Variants in ADAT1 observed in about 807,000 individuals in gnomAD.
ADAT1 encodes adenosine deaminase tRNA specific 1.
A neutral mutation model predicts 58.6 loss-of-function variants in ADAT1; 58 were observed. That is an observed-to-expected ratio of 0.99 (90% CI 0.80 to 1.23). ADAT1 has a LOEUF of 1.23. Among genes scored for constraint, ADAT1 ranks in the 50% most tolerant of loss-of-function variants. The pLI, the probability that ADAT1 is intolerant of heterozygous loss-of-function variation, is 0.00. For synonymous variants in ADAT1, 254 were observed against 220.8 expected, an observed-to-expected ratio of 1.15 and a Z score of -1.33; for missense variants, 741 against 608.6, an observed-to-expected ratio of 1.22 and a Z score of -2.29.
chr16:75,597,794 T>C lies in ADAT1; in HGVS notation c.*2422A>G, dbSNP rs1026712971. 1.3e-5 allele frequency among the ~76,000 whole-genome samples: 2 copies of C among 152,112 alleles called. No homozygotes were observed. Among genetic ancestry groups the C allele is most frequent in the African/African-American group, 4.8e-5 (2 of 41,408 alleles). ...CTTGCATGCACAGTTCACAATAGGA[T>C]TCACGCTCCTATGAGAATCTAATGC... On this transcript the variant is annotated 3_prime_UTR_variant, in exon 10 of 10. Transcript: ENST00000564657.
intron 1 of ADAT1, among the ~76,000 whole-genome samples, chr16:75,621,782 TCA>T (rs1251534979): frequency 1.3e-5 from 2 of 152,326 alleles, no homozygotes; most frequent in African/African-American, 4.8e-5. Flanking sequence ...GGGAAATCTC[TCA>T]CTCTTGGCCC....
At chr16:75,618,736 A>AGCTACATGACCATCC in intron 3 of ADAT1, 96 bp from the exon 4 acceptor site, 2 of 1,423,828 alleles carry the variant, frequency 1.4e-6, no homozygotes, top group Non-Finnish European at 9.6e-7. Flanking sequence ...AGCACCCAGG[A>AGCTACATGACCATCC]TGGTCATGTA....
chr16:75,600,283 C>T lies in ADAT1; in HGVS notation c.1442G>A (p.Ser481Asn), dbSNP rs1567459327. 1 of 1,614,156 alleles carries T rather than the reference C, an allele frequency of 6.2e-7. No homozygotes were observed. Among genetic ancestry groups the T allele is most frequent in the Admixed American group, 1.7e-5 (1 of 60,012 alleles). The change falls in exon 10 of 10, where the codon AGC becomes AAC. Residue 481 changes from serine to asparagine, a missense_variant. By Grantham distance (46) the Ser-to-Asn change is conservative. Coordinates refer to ENST00000564657, the MANE Select transcript of ADAT1 (RefSeq NM_001324445.2). ...TCCAAACACCTGCTTCCGGAGTGTG[C>T]TCCAGGCTTCCTGGTAAGAGGACGC... Reference protein sequence around the residue: ...EAASSYQEAWSTLRKQVFGSW... With the variant: ...EAASSYQEAWNTLRKQVFGSW...
Position 75,598,879 on chromosome 16 carries a change from CA to C in ADAT1, c.*1336del. 2 of 981,362 alleles carry C rather than the reference CA, an allele frequency of 2.0e-6. No homozygotes were observed. The highest frequency in any genetic ancestry group is 2.4e-6 in the Non-Finnish European group (2 of 826,448). 60.8% of individuals were successfully genotyped at this position (981,362 alleles called of 1,614,324 possible). Reference sequence around the variant, plus strand: ...ATTTTATGGTCTGTGAATTATATCTCAATACAACTGTTATTTAAAAATATTT... The same window carrying C: ...ATTTTATGGTCTGTGAATTATATCTCATACAACTGTTATTTAAAAATATTT... On this transcript the variant is annotated 3_prime_UTR_variant, in exon 10 of 10. Transcript: ENST00000564657.
intron 8 of ADAT1, among the ~76,000 whole-genome samples, chr16:75,607,150 A>G (rs930914499): frequency 1.3e-5 from 2 of 152,208 alleles, no homozygotes; most frequent in Admixed American, 6.5e-5. Flanking sequence ...TAAATGGCTA[A>G]TAAGTACATA....
intron 8 of ADAT1, among the ~76,000 whole-genome samples, chr16:75,604,456 A>AAATAT (rs1555508674): frequency 2.5e-4 from 12 of 48,786 alleles, no homozygotes; most frequent in Non-Finnish European, 3.6e-4. Context: ...AAAAAAAAAA[A>AAATAT]ATATATATAT....
intron 3 of ADAT1, 159 bp from the exon 4 acceptor site, chr16:75,618,799 A>C: frequency 2.5e-6 from 2 of 806,544 alleles, no homozygotes; most frequent in Admixed American, 2.7e-5. Flanking sequence ...ACAATGCATC[A>C]GGTGCAGGGT....
chr16:75,597,079 G>T lies in ADAT1; in HGVS notation c.*3137C>A, dbSNP rs1431436141. On this transcript the variant is annotated 3_prime_UTR_variant, in exon 10 of 10. Transcript: ENST00000564657. ...TGGGGTAGGGGGCGTTGAGGAACGG[G>T]AAGTGACTGCTAATGGGTTCTGCAA... 6.4e-6 allele frequency: 1 copy of T among 155,812 alleles called. No individual in the cohort carries two copies. Among genetic ancestry groups the T allele is most frequent in the Non-Finnish European group, 1.4e-5 (1 of 70,184 alleles). The allele number at this position is 155,812 out of a possible 1,614,324, so 9.7% of individuals were successfully genotyped here.
intron 2 of ADAT1, 25 bp downstream of exon 2, chr16:75,620,605 AG>A: frequency 6.2e-7 from 1 of 1,610,258 alleles, no homozygotes; most frequent in Non-Finnish European, 8.5e-7. Flanking sequence ...CACAGTGAGG[AG>A]CATGCCAAGA....
chr16:75,613,258 A>C (rs745644132), intron 5 of ADAT1, among the ~76,000 whole-genome samples: 12 of 152,112 alleles, frequency 7.9e-5, no homozygotes, highest in Admixed American at 2.6e-4. Context: ...TATCACTAGG[A>C]ATTTTTGGAA....
chr16:75,617,254 G>C lies in ADAT1; in HGVS notation c.312C>G (p.Leu104=). 2 of 1,613,458 alleles carry C rather than the reference G, an allele frequency of 1.2e-6. No homozygotes were observed. Among genetic ancestry groups the C allele is most frequent in the Non-Finnish European group, 1.7e-6 (2 of 1,179,434 alleles). ...RSFQRYLLHQ[L]QLAATLKEDS... ...CCTCTTTCAGGGTGGCTGCCAACTG[G>C]AGTTGGTGGAGAAGGTACCTAAGGG... The change falls in exon 5 of 10, where the codon CTC becomes CTG. Residue 104 remains leucine, a synonymous_variant. Transcript: ENST00000564657.
chr16:75,617,181 G>C lies in ADAT1; in HGVS notation c.385C>G (p.Arg129Gly), dbSNP rs756741764. 1.2e-6 allele frequency: 2 copies of C among 1,613,878 alleles called. No homozygotes were observed. Residue 129 changes from arginine (R) to glycine (G), a missense_variant, in exon 5 of 10, where the codon CGA (arginine) becomes GGA (glycine). Physicochemically the swap from Arg to Gly is moderately radical, Grantham distance 125. Transcript: ENST00000564657. Reference sequence around the variant, plus strand: ...GAGAAAAACACAAAAATGAGGTCTCGTCTAAGTTTCCACACTCCTTTTTGA... The same window carrying C: ...GAGAAAAACACAAAAATGAGGTCTCCTCTAAGTTTCCACACTCCTTTTTGA... ...GTQKGVWKLRRDLIFVFFSSH... is the reference protein window; with the variant it reads ...GTQKGVWKLRGDLIFVFFSSH...
intron 5 of ADAT1, among the ~76,000 whole-genome samples, chr16:75,613,322 C>G (rs552064110): frequency 6.6e-6 from 1 of 152,260 alleles, no homozygotes; most frequent in South Asian, 2.1e-4. Context: ...ATTTTTTTGA[C>G]ATGCAGTCTG....
At chr16:75,609,481 AG>A (rs2081461672) in intron 6 of ADAT1, among the ~76,000 whole-genome samples, 1 of 152,210 alleles carries the variant, frequency 6.6e-6, no homozygotes, top group Non-Finnish European at 1.5e-5. Flanking sequence ...TCCCAGGCAC[AG>A]TGCCTAGGGT....
At chr16:75,617,790 A>T (rs2081782784) in intron 4 of ADAT1, among the ~76,000 whole-genome samples, 1 of 151,804 alleles carries the variant, frequency 6.6e-6, no homozygotes, top group South Asian at 2.1e-4. Context: ...ATCAAGTTTG[A>T]GTACCACTAG....
chr16:75,610,041 T>A (rs1302346952), intron 6 of ADAT1, among the ~76,000 whole-genome samples: 1 of 152,196 alleles, frequency 6.6e-6, no homozygotes, highest in East Asian at 1.9e-4. Flanking sequence ...CTTTATGGAT[T>A]TGCCTGTTCT....
intron 5 of ADAT1, among the ~76,000 whole-genome samples, chr16:75,615,660 G>A (rs931282587): frequency 1.1e-4 from 16 of 152,140 alleles, no homozygotes; most frequent in African/African-American, 3.6e-4. Flanking sequence ...ATCCTCAGAT[G>A]CTTCTTTCTC....
intron 3 of ADAT1, among the ~76,000 whole-genome samples, chr16:75,619,481 G>A (rs1471711532): frequency 2.0e-5 from 3 of 151,696 alleles, no homozygotes; most frequent in Admixed American, 6.6e-5. Flanking sequence ...AGGCTGCAGT[G>A]AGCTATGATA....
At position 75,617,101 on chromosome 16, in the gene ADAT1, T is replaced by A. The variant is rs779231074; in HGVS notation, c.424+41A>T. 37 of 1,572,592 alleles carry A rather than the reference T, an allele frequency of 2.4e-5. 1 individual carries two copies. The South Asian group carries it at 4.2e-4, about 18-fold the overall frequency. On this transcript the variant is annotated intron_variant, in intron 5 of 9. Transcript: ENST00000564657. The stretch of plus-strand genomic sequence containing the variant: ...TATGGATAACACAAACATAAGGAAG[T>A]AGTTCATGTAACATTAATCCAAAGG...
Sources: allele counts gnomAD v4.1 joint callset (sites outside exome capture counted in the v4.1 genomes callset), GRCh38; gene constraint gnomAD v4.1.1; transcripts MANE v1.5; gene names NCBI Gene and HGNC (gene_info 2026-07-23, HGNC 2026-07-21).